Variants in RYR3 observed in about 807,000 individuals in gnomAD.
RYR3 encodes ryanodine receptor 3, also known as brain ryanodine receptor-calcium release channel.
RYR3 carries 207 observed loss-of-function variants against 584.3 expected under a neutral mutation model. That is an observed-to-expected ratio of 0.35 (90% CI 0.32 to 0.40). RYR3 has a LOEUF of 0.40. RYR3 is among the 10% of genes least tolerant of loss of function. RYR3 has a pLI of 1.00. For synonymous variants in RYR3, 2,416 were observed against 2,248.5 expected (o/e 1.07, Z -2.11); for missense variants, 5,616 against 6,089.2 (o/e 0.92, Z 2.59).
At position 33,790,578 on chromosome 15, in the gene RYR3, C is replaced by G. The variant is rs116650863; in HGVS notation, c.9830+2120C>G. On this transcript the variant is annotated intron_variant, in intron 67 of 103. Transcript: ENST00000634891. ...GGAGTGAGGTTGTTGAGGGGAAGAT[C>G]AGGAGATCACTTTCAGACGTGTTGA... Among the ~76,000 whole-genome samples, 801 of 152,218 alleles carry G rather than the reference C, an allele frequency of 5.3e-3. 6 individuals carry two copies. The highest frequency in any genetic ancestry group is 0.018 in the African/African-American group (743 of 41,528).
At chr15:33,440,248 C>T (rs1386652745) in intron 1 of RYR3, among the ~76,000 whole-genome samples, 4 of 152,216 alleles carry the variant, frequency 2.6e-5, no homozygotes, top group Non-Finnish European at 5.9e-5. Context: ...GATTGCACCA[C>T]TGCACTCTAG....
chr15:33,735,159 CAG>C (rs2069335067), intron 48 of RYR3, among the ~76,000 whole-genome samples: 2 of 152,138 alleles, frequency 1.3e-5, no homozygotes, highest in South Asian at 4.1e-4. Flanking sequence ...CACAGAATTA[CAG>C]ACTTATTGCA....
intron 19 of RYR3, 53 bp downstream of exon 19, chr15:33,613,428 C>G: frequency 6.6e-7 from 1 of 1,520,454 alleles, no homozygotes; most frequent in African/African-American, 1.4e-5. Context: ...ACCTCCCCGC[C>G]ACCACTGTGA....
chr15:33,571,152 A>G (rs189754077), intron 12 of RYR3, among the ~76,000 whole-genome samples: 3 of 144,098 alleles, frequency 2.1e-5, no homozygotes, highest in Admixed American at 6.9e-5. Flanking sequence ...TTCCTGATCT[A>G]AGGTGGGGGT....
At chr15:33,731,104 T>C (rs986160365) in intron 47 of RYR3, among the ~76,000 whole-genome samples, 2 of 152,224 alleles carry the variant, frequency 1.3e-5, no homozygotes. Flanking sequence ...TGTAGTATCC[T>C]GGCAACTAGA....
intron 16 of RYR3, 49 bp downstream of exon 16, chr15:33,586,165 C>A: frequency 1.9e-6 from 2 of 1,040,168 alleles, no homozygotes; most frequent in Non-Finnish European, 3.0e-6. Flanking sequence ...TTTCCCTCCC[C>A]AATGTTCATG....
chr15:33,834,866 A>C (rs1294558563), intron 86 of RYR3, 102 bp from the exon 87 acceptor site: 3 of 725,738 alleles, frequency 4.1e-6, no homozygotes, highest in Admixed American at 3.0e-5. Context: ...ACTTTTGGAA[A>C]GTCTATCTGC....
intron 1 of RYR3, among the ~76,000 whole-genome samples, chr15:33,456,712 G>A (rs974424396): frequency 1.3e-5 from 2 of 152,184 alleles, no homozygotes; most frequent in African/African-American, 4.8e-5. Context: ...TCAGGGTTTT[G>A]CTAGAGATGA....
rs771215977 is a variant in RYR3, at chr15:33,603,238, C to A, written c.2038C>A (p.Leu680Met). 1.2e-6 allele frequency: 2 copies of A among 1,613,934 alleles called. No individual in the cohort carries two copies. The highest frequency in any genetic ancestry group is 1.7e-6 in the Non-Finnish European group (2 of 1,179,842). Residue 680 changes from leucine (L) to methionine (M), a missense_variant, in exon 18 of 104, where the codon CTG becomes ATG. By Grantham distance (15) the Leu-to-Met change is conservative. Transcript: ENST00000634891. The part of the protein sequence containing the change: ...DPFLTAEPTH[L>M]RVGWASSSGY... The stretch of plus-strand genomic sequence containing the variant: ...CTTCCTAACAGCAGAGCCCACACAT[C>A]TGCGGGTGGGCTGGGCCTCTTCTTC...
intron 51 of RYR3, among the ~76,000 whole-genome samples, chr15:33,741,598 A>AGTTTT (rs72331426): frequency 9.1e-4 from 138 of 151,348 alleles, no homozygotes; most frequent in African/African-American, 1.5e-3. Context: ...CCAAAATTCT[A>AGTTTT]GTTTTGTTTT....
At chr15:33,711,152 A>ATAAATTTCCAACTTT (rs2067081045) in intron 43 of RYR3, among the ~76,000 whole-genome samples, 1 of 152,154 alleles carries the variant, frequency 6.6e-6, no homozygotes, top group Non-Finnish European at 1.5e-5. Flanking sequence ...TCTTGTTTAA[A>ATAAATTTCCAACTTT]TAAATTTCCA....
chr15:33,436,440 C>T (rs138895178), intron 1 of RYR3, among the ~76,000 whole-genome samples: 21 of 151,798 alleles, frequency 1.4e-4, no homozygotes, highest in African/African-American at 3.9e-4. Context: ...TTATGTTTTA[C>T]GAAGATCTTC....
chr15:33,860,953 G>C, intron 101 of RYR3, 125 bp from the exon 102 acceptor site: 1 of 723,564 alleles, frequency 1.4e-6, no homozygotes, highest in Non-Finnish European at 2.3e-6. Flanking sequence ...CTGAGTGAAT[G>C]ACTAATAGCC....
chr15:33,361,401 G>GC (rs1337875824), intron 1 of RYR3, among the ~76,000 whole-genome samples: 11 of 152,198 alleles, frequency 7.2e-5, no homozygotes, highest in Non-Finnish European at 1.3e-4. Flanking sequence ...ACCTAACCAT[G>GC]CATGGGCCGT....
chr15:33,406,509 G>C (rs1476344735), intron 1 of RYR3, among the ~76,000 whole-genome samples: 1 of 152,206 alleles, frequency 6.6e-6, no homozygotes, highest in Non-Finnish European at 1.5e-5. Flanking sequence ...ATTTACTCTG[G>C]AGAATATTTC....
intron 1 of RYR3, among the ~76,000 whole-genome samples, chr15:33,430,329 G>A (rs1195158991): frequency 6.6e-6 from 1 of 152,200 alleles, no homozygotes; most frequent in Non-Finnish European, 1.5e-5. Context: ...AGGCAAAAGT[G>A]ATAAATCGGC....
chr15:33,316,518 A>G (rs1968194540), intron 1 of RYR3, among the ~76,000 whole-genome samples: 1 of 152,158 alleles, frequency 6.6e-6, no homozygotes, highest in African/African-American at 2.4e-5. Context: ...TACAAGATTT[A>G]TCCAGTAGGA....
chr15:33,319,274 C>T (rs191030647), intron 1 of RYR3, among the ~76,000 whole-genome samples: 1 of 151,692 alleles, frequency 6.6e-6, no homozygotes, highest in Non-Finnish European at 1.5e-5. Context: ...GTAAATAATA[C>T]CGGGGCAGAA....
At chr15:33,685,323 C>G (rs2152746449) in intron 38 of RYR3, among the ~76,000 whole-genome samples, 1 of 152,192 alleles carries the variant, frequency 6.6e-6, no homozygotes, top group East Asian at 1.9e-4. Context: ...AGACTTTAAA[C>G]CAACAAAGAT....
Sources: gnomAD v4.1 joint callset for allele counts (sites outside exome capture counted in the v4.1 genomes callset) on GRCh38, gnomAD v4.1.1 for gene constraint, MANE v1.5 for transcripts, NCBI Gene and HGNC (gene_info 2026-07-23, HGNC 2026-07-21) for gene names.